The following F5 variants were observed in gnomAD, a reference collection of about 807,000 sequenced individuals.
F5 encodes the protein activated protein c cofactor.
In F5, 138 loss-of-function variants were observed where a neutral mutation model predicts 216.4. That is an observed-to-expected ratio of 0.64 (90% confidence interval 0.56 to 0.73). The LOEUF (loss-of-function observed/expected upper bound fraction) is 0.73. F5 is among the 30% of genes least tolerant of loss of function. F5 has a pLI of 0.00. For missense variants in F5, 2,403 were observed against 2,674.0 expected, an observed-to-expected ratio of 0.90 and a Z score of 2.24; for synonymous variants, 916 against 930.7, an observed-to-expected ratio of 0.98 and a Z score of 0.29.
intron 10 of F5, among the ~76,000 whole-genome samples, chr1:169,546,973 A>T (rs1308380410): frequency 7.4e-6 from 1 of 134,996 alleles, no homozygotes. Context: ...TACTAAAAAA[A>T]AAAAAAAAAA....
Position 169,544,283 on chromosome 1 carries a change from G to T in F5, c.1975+13C>A. On this transcript the variant is annotated intron_variant, in intron 12 of 24. Coordinates refer to ENST00000367797, the MANE Select transcript of F5 (RefSeq NM_000130.5). ...AGCAAGCTTCCTCTGTGAGTGTCCA[G>T]ACTCTTACTCACCAACATTATCCAT... The T allele has an allele frequency of 6.2e-7, 1 of 1,610,444 alleles. No individual in the cohort carries two copies. Among genetic ancestry groups the T allele is most frequent in the Non-Finnish European group, 8.5e-7 (1 of 1,176,938 alleles).
chr1:169,515,733 A>C lies in F5; in HGVS notation c.6346-107T>G, dbSNP rs1296112240. 3 of 1,117,662 alleles carry C rather than the reference A, an allele frequency of 2.7e-6. No homozygotes were observed. In the East Asian group the frequency reaches 7.5e-5, roughly 28 times the overall value. The allele number at this position is 1,117,662 out of a possible 1,614,324, so 69.2% of individuals were successfully genotyped here. A position where few individuals can be genotyped will look rare whatever the true frequency, so the allele number is the denominator to read the frequency against. ...ACAGAGCTCAAAAGGATTTTGTTCTATCTTATCCCTTAGGATTCACAGTCT... is the reference window on the plus strand; with the variant it reads ...ACAGAGCTCAAAAGGATTTTGTTCTCTCTTATCCCTTAGGATTCACAGTCT... On this transcript the variant is annotated intron_variant, in intron 23 of 24. Coordinates refer to ENST00000367797, the MANE Select transcript of F5 (RefSeq NM_000130.5).
At chr1:169,575,783 G>A (rs1361618701) in intron 2 of F5, among the ~76,000 whole-genome samples, 1 of 152,074 alleles carries the variant, frequency 6.6e-6, no homozygotes, top group Non-Finnish European at 1.5e-5. Context: ...GCTTTGTTTG[G>A]TGGGTGTAGT....
intron 10 of F5, among the ~76,000 whole-genome samples, chr1:169,548,109 A>C (rs560994756): frequency 6.6e-6 from 1 of 152,244 alleles, no homozygotes; most frequent in Non-Finnish European, 1.5e-5. Flanking sequence ...CACATACTGC[A>C]TGTTTTCACT....
At chr1:169,550,392 T>C (rs1660141590) in intron 9 of F5, among the ~76,000 whole-genome samples, 1 of 151,014 alleles carries the variant, frequency 6.6e-6, no homozygotes, top group South Asian at 2.1e-4. Flanking sequence ...GGAACCTGGA[T>C]AACATGTAGC....
rs772710178 is a variant in F5 at position 169,546,564 on chromosome 1, A to G, written c.1640T>C (p.Val547Ala). 7.2e-5 allele frequency: 117 copies of G among 1,614,058 alleles called. No individual in the cohort carries two copies. Among genetic ancestry groups the G allele is most frequent in the Non-Finnish European group, 9.7e-5 (114 of 1,180,010 alleles). Reference sequence around the variant, plus strand: ...TTTGTTCTCATCAAACACAGCAAACACAGCCTGCTGTTCGATGTCTGCTGC... The same window carrying G: ...TTTGTTCTCATCAAACACAGCAAACGCAGCCTGCTGTTCGATGTCTGCTGC... ...QRAADIEQQA[V>A]FAVFDENKSW... Residue 547 changes from valine to alanine, a missense_variant, in exon 11 of 25, where the codon GTG becomes GCG. Coordinates refer to ENST00000367797, the MANE Select transcript of F5 (RefSeq NM_000130.5).
intron 14 of F5, among the ~76,000 whole-genome samples, chr1:169,534,626 C>T (rs1383129899): frequency 6.6e-6 from 1 of 151,558 alleles, no homozygotes; most frequent in African/African-American, 2.4e-5. Flanking sequence ...TGAGATCATA[C>T]CTCTGTACTC....
chr1:169,541,501 G>C lies in F5; in HGVS notation c.3589C>G (p.Pro1197Ala). The C allele has an allele frequency of 1.2e-6, 2 of 1,614,148 alleles. No individual in the cohort carries two copies. The highest frequency in any genetic ancestry group is 1.7e-6 in the Non-Finnish European group (2 of 1,180,008). The change falls in exon 13 of 25, where the codon CCA (proline) becomes GCA (alanine). Residue 1197 changes from proline (P) to alanine (A), a missense_variant. Pro to Ala is a conservative substitution (Grantham distance 27, BLOSUM62 -1). Transcript: ENST00000367797. Reference sequence around the variant, plus strand: ...GAGAGGTTTGTCTGGCTGAGTTCTGGAGAGAGGGTCACCTGGCTGAGGTCT... The same window carrying C: ...GAGAGGTTTGTCTGGCTGAGTTCTGCAGAGAGGGTCACCTGGCTGAGGTCT... Reference protein sequence around the residue: ...SPDLSQVTLSPELSQTNLSPD... With the variant: ...SPDLSQVTLSAELSQTNLSPD...
intron 13 of F5, among the ~76,000 whole-genome samples, chr1:169,538,595 C>A (rs181700803): frequency 5.3e-4 from 80 of 152,040 alleles, no homozygotes; most frequent in East Asian, 2.1e-3. Flanking sequence ...ACAACAACAA[C>A]AAAAAAACTG....
chr1:169,518,955 T>A lies in F5; in HGVS notation c.6194-392A>T, dbSNP rs1258230069. ...ACAATAATCCTAAATTATCTATATA[T>A]AAAAATACTCTGTTTCTTCTAACAA... is the stretch of plus-strand genomic sequence containing the variant. On this transcript the variant is annotated intron_variant, in intron 22 of 24. Transcript: ENST00000367797. Among the ~76,000 whole-genome samples the A allele has an allele frequency of 2.6e-5, 4 of 152,304 alleles. No homozygotes were observed. In the East Asian group the frequency reaches 7.7e-4, roughly 29 times the overall value.
intron 13 of F5, among the ~76,000 whole-genome samples, chr1:169,539,229 T>C (rs575157708): frequency 5.3e-5 from 8 of 152,204 alleles, no homozygotes; most frequent in Non-Finnish European, 8.8e-5. Context: ...ACAGAGAATC[T>C]CCTTCTGCCT....
chr1:169,586,129 T>A lies in F5; in HGVS notation c.158+100A>T, dbSNP rs866126027. ...TTAGTTATATTTACTTACCTGAAGT[T>A]AAAAAAAAAAAAAGCCATGACATTG... On this transcript the variant is annotated intron_variant, in intron 1 of 24. Transcript: ENST00000367797. 9.3e-4 allele frequency: 1,155 copies of A among 1,248,450 alleles called. 11 individuals are homozygous for A. The African/African-American group carries it at 0.016, about 17-fold the overall frequency. 77.3% of individuals were successfully genotyped at this position (1,248,450 alleles called of 1,614,324 possible). A position where few individuals can be genotyped will look rare whatever the true frequency, so the allele number is the denominator to read the frequency against.
rs1485283798 is a variant in F5, at chr1:169,541,048, G to T, written c.4042C>A (p.Leu1348Ile). ...NLSPELSQTN[L>I]SPALGQMPLS... is the part of the protein sequence containing the mutation. Reference sequence around the variant, plus strand: ...GGCATCTGACCGAGGGCTGGGGAAAGGTTTGTTTGACTGAGTTCTGGAGAG... The same window carrying T: ...GGCATCTGACCGAGGGCTGGGGAAATGTTTGTTTGACTGAGTTCTGGAGAG... The change falls in exon 13 of 25, where the codon CTT becomes ATT. Residue 1348 changes from leucine to isoleucine, a missense_variant. Leu to Ile is a conservative substitution (Grantham distance 5). Coordinates refer to ENST00000367797, the MANE Select transcript of F5 (RefSeq NM_000130.5). The T allele has an allele frequency of 8.1e-6, 13 of 1,608,258 alleles. No individual in the cohort carries two copies. Among genetic ancestry groups the T allele is most frequent in the Admixed American group, 5.1e-5 (3 of 59,268 alleles).
At chr1:169,557,776 C>T (rs1418807163) in intron 5 of F5, among the ~76,000 whole-genome samples, 1 of 151,778 alleles carries the variant, frequency 6.6e-6, no homozygotes. Flanking sequence ...GCAACAAAGC[C>T]AGGATTCCTT....
At chr1:169,574,537 A>C (rs1396196361) in intron 2 of F5, among the ~76,000 whole-genome samples, 1 of 152,228 alleles carries the variant, frequency 6.6e-6, no homozygotes, top group East Asian at 1.9e-4. Context: ...GAAGGAAGTC[A>C]CGGCACTCAT....
chr1:169,572,756 G>A (rs891419192), intron 2 of F5, among the ~76,000 whole-genome samples: 2 of 152,142 alleles, frequency 1.3e-5, no homozygotes, highest in Non-Finnish European at 2.9e-5. Context: ...GATGAATTGA[G>A]GAACCAAATC....
At chr1:169,543,176 A>G (rs750714224) in intron 12 of F5, 62 bp from the exon 13 acceptor site, 1 of 1,480,754 alleles carries the variant, frequency 6.8e-7, no homozygotes, top group South Asian at 1.1e-5. Context: ...TGAAAACACA[A>G]TAATCCATTG....
At chr1:169,564,807 A>C (rs1660562682) in intron 3 of F5, among the ~76,000 whole-genome samples, 1 of 152,062 alleles carries the variant, frequency 6.6e-6, no homozygotes, top group Non-Finnish European at 1.5e-5. Flanking sequence ...GGGAGTGGAA[A>C]ATAAGGCACA....
chr1:169,577,560 AATATATAT>A (rs3035292), intron 2 of F5, among the ~76,000 whole-genome samples: 4,409 of 54,308 alleles, frequency 0.081, 180 homozygotes, highest in East Asian at 0.17. Context: ...GGCTAATTTA[AATATATAT>A]ATATATATAT....
Sources: gnomAD v4.1 joint callset for allele counts (sites outside exome capture counted in the v4.1 genomes callset) on GRCh38, gnomAD v4.1.1 for gene constraint, MANE v1.5 for transcripts, NCBI Gene and HGNC (gene_info 2026-07-23, HGNC 2026-07-21) for gene names.